The following ACSM3 variants were observed in gnomAD, a reference collection of about 807,000 sequenced individuals.
The protein encoded by ACSM3 is acyl-coenzyme A synthetase ACSM3, mitochondrial.
A neutral mutation model predicts 74.1 loss-of-function variants in ACSM3; 61 were observed. The ratio of observed to expected loss-of-function variants is 0.82; its 90% CI spans 0.67 to 1.02. The LOEUF (loss-of-function observed/expected upper bound fraction) is 1.02, where lower values mean the gene tolerates loss of function less well. ACSM3 is among the 50% of genes least tolerant of loss of function. ACSM3 has a pLI of 0.00. For synonymous variants in ACSM3, 213 were observed against 241.5 expected (o/e 0.88, Z 1.09); for missense variants, 660 against 697.0 (o/e 0.95, Z 0.60).
Position 20,708,763 on chromosome 16 carries a change from AC to A in ACSM3, c.-190+33942del, listed in dbSNP as rs1213078836. Among the ~76,000 whole-genome samples, 15 of 152,358 alleles carry A rather than the reference AC, an allele frequency of 9.8e-5. 1 individual carries two copies. The highest frequency in any genetic ancestry group is 5.2e-4 in the Admixed American group (8 of 15,306). On this transcript the variant is annotated intron_variant, in intron 1 of 3. Transcript: ENST00000561584. Reference sequence around the variant, plus strand: ...ATATTTTTAACAAAAATAGAAAAAAACAATTCTAAAATTCATATGGAACCAC... The same window carrying A: ...ATATTTTTAACAAAAATAGAAAAAAAAATTCTAAAATTCATATGGAACCAC...
intron 1 of ACSM3, chr16:20,741,482 C>CGCCCCCCCCCCCCCCCCG: frequency 6.2e-6 from 1 of 160,352 alleles, no homozygotes; most frequent in Non-Finnish European, 1.3e-5. Flanking sequence ...TGGCAGCCGG[C>CGCCCCCCCCCCCCCCCCG]CCGCCCGCCC....
intron 1 of ACSM3, among the ~76,000 whole-genome samples, chr16:20,707,910 T>A (rs1190707247): frequency 6.6e-6 from 1 of 152,170 alleles, no homozygotes; most frequent in Non-Finnish European, 1.5e-5. Flanking sequence ...ATGAATTGTC[T>A]GAAAAAAATT....
intron 12 of ACSM3, among the ~76,000 whole-genome samples, chr16:20,795,085 G>A (rs921292473): frequency 6.6e-6 from 1 of 152,176 alleles, no homozygotes; most frequent in Non-Finnish European, 1.5e-5. Context: ...TTTATAAAAT[G>A]TCAAAAAGTG....
At position 20,796,370 on chromosome 16, in the gene ACSM3, G is replaced by A; in HGVS notation, c.1555G>A (p.Val519Ile). The part of the protein sequence containing the change: ...VSSPDPIRGE[V>I]VKAFVVLNPD... ...CTGGTGTTTCAAATATTTATTTTAG[G>A]TAGTAAAGGCTTTTGTCGTTCTAAA... The change falls in exon 13 of 14, where the codon GTA (valine) becomes ATA (isoleucine). Residue 519 changes from valine to isoleucine, a missense_variant and splice_region_variant. Coordinates refer to ENST00000289416, the MANE Select transcript of ACSM3 (RefSeq NM_005622.4). The A allele has an allele frequency of 6.2e-7, 1 of 1,607,634 alleles. No homozygotes were observed. The highest frequency in any genetic ancestry group is 8.5e-7 in the Non-Finnish European group (1 of 1,178,516).
chr16:20,741,481 G>GGGGGGGGGGCCCCCCC, intron 1 of ACSM3: 3 of 1,308,408 alleles, frequency 2.3e-6, no homozygotes, highest in Non-Finnish European at 3.0e-6. Context: ...CTGGCAGCCG[G>GGGGGGGGGGCCCCCCC]CCCGCCCGCC....
intron 1 of ACSM3, among the ~76,000 whole-genome samples, chr16:20,690,504 T>A (rs1203938541): frequency 6.6e-6 from 1 of 152,208 alleles, no homozygotes; most frequent in Non-Finnish European, 1.5e-5. Context: ...AGACTTGCCA[T>A]CCTCATGGGA....
chr16:20,747,087 C>A (rs77472721), intron 1 of ACSM3, among the ~76,000 whole-genome samples: 1 of 149,394 alleles, frequency 6.7e-6, no homozygotes, highest in African/African-American at 2.5e-5. Context: ...AAAAAAAAAA[C>A]AAGTTTTCTT....
intron 1 of ACSM3, chr16:20,679,564 G>A (rs1195948846): frequency 6.6e-6 from 1 of 152,216 alleles, no homozygotes; most frequent in Non-Finnish European, 1.5e-5. Context: ...TATGTGTAGT[G>A]TAAGCATGTT....
upstream of ACSM3, among the ~76,000 whole-genome samples, chr16:20,759,861 T>TG (rs527474724): frequency 1.8e-4 from 28 of 152,222 alleles, no homozygotes; most frequent in East Asian, 5.0e-3. Flanking sequence ...ACACTTGAAG[T>TG]GGGGGGCAGT....
At chr16:20,759,595 G>A (rs2080060262), upstream of ACSM3, among the ~76,000 whole-genome samples, 1 of 150,962 alleles carries the variant, frequency 6.6e-6, no homozygotes, top group Non-Finnish European at 1.5e-5. Context: ...GGTTCAGGGA[G>A]CTTCTGGGTA....
intron 1 of ACSM3, chr16:20,691,335 G>A (rs2079649978): frequency 3.2e-6 from 2 of 617,072 alleles, no homozygotes; most frequent in Non-Finnish European, 2.7e-6. Flanking sequence ...TTATAGCTTT[G>A]TTTCAGGTCA....
chr16:20,737,089 TC>T, intron 1 of ACSM3: 3 of 1,614,194 alleles, frequency 1.9e-6, no homozygotes, highest in Non-Finnish European at 2.5e-6. Flanking sequence ...TTAGCTTCTT[TC>T]CCATTTCCCT....
chr16:20,767,192 C>T (rs1244757332), intron 1 of ACSM3, among the ~76,000 whole-genome samples: 1 of 152,050 alleles, frequency 6.6e-6, no homozygotes, highest in Non-Finnish European at 1.5e-5. Context: ...AGGAGAGCAG[C>T]CAAAAGCATA....
chr16:20,796,854 C>T (rs2080732643), intron 13 of ACSM3, 32 bp from the exon 14 acceptor site: 4 of 1,605,636 alleles, frequency 2.5e-6, no homozygotes, highest in Admixed American at 1.7e-5. Context: ...TAAAAATTTC[C>T]AGGCTAATTT....
intron 1 of ACSM3, chr16:20,737,045 G>T (rs370667619): frequency 6.2e-7 from 1 of 1,614,148 alleles, no homozygotes; most frequent in South Asian, 1.1e-5. Flanking sequence ...CTTCTGCTGT[G>T]TTGTTTTGGT....
intron 1 of ACSM3, chr16:20,682,073 A>G (rs1308953464): frequency 1.7e-6 from 1 of 581,984 alleles, no homozygotes; most frequent in East Asian, 3.0e-5. Flanking sequence ...CTCTCACCCC[A>G]TGAAATGCTT....
At chr16:20,771,956 A>G (rs11641265) in intron 2 of ACSM3, among the ~76,000 whole-genome samples, 20,236 of 152,166 alleles carry the variant, frequency 0.13, 1,401 homozygotes, top group East Asian at 0.21. Flanking sequence ...ATATCTCATC[A>G]TGGTTTTGAT....
intron 1 of ACSM3, among the ~76,000 whole-genome samples, chr16:20,685,759 G>A (rs1192024436): frequency 6.8e-6 from 1 of 146,862 alleles, no homozygotes; most frequent in African/African-American, 2.5e-5. Context: ...GGCAGAGGTT[G>A]CAGTGAGCCA....
At chr16:20,701,221 T>G (rs1262621118) in intron 1 of ACSM3, among the ~76,000 whole-genome samples, 1 of 152,132 alleles carries the variant, frequency 6.6e-6, no homozygotes, top group Non-Finnish European at 1.5e-5. Flanking sequence ...TTTAAGCTAG[T>G]TTTTCCTGCT....
Sources: gnomAD v4.1 joint callset for allele counts (sites outside exome capture counted in the v4.1 genomes callset) on GRCh38, gnomAD v4.1.1 for gene constraint, MANE v1.5 for transcripts, NCBI Gene and HGNC (gene_info 2026-07-23, HGNC 2026-07-21) for gene names.